TET2: variants seen among roughly 807,000 people sequenced by gnomAD.
TET2 encodes methylcytosine dioxygenase TET2.
A neutral mutation model predicts 142.9 loss-of-function variants in TET2; 299 were observed. The ratio of observed to expected loss-of-function variants is 2.09; its 90% CI spans 1.90 to 2.30. The LOEUF (loss-of-function observed/expected upper bound fraction) is 2.30. Among genes scored for constraint, TET2 ranks in the 30% most tolerant of loss-of-function variants. The probability of loss-of-function intolerance (pLI) is 0.00; values close to 1 mark genes in which losing one functional copy is unlikely to be tolerated. For synonymous variants in TET2, 819 were observed against 849.0 expected (o/e 0.96, Z 0.61); for missense variants, 2,418 against 2,378.0 (o/e 1.02, Z -0.35).
At chr4:105,227,160 T>C (rs1404393631) in intron 2 of TET2, among the ~76,000 whole-genome samples, 2 of 152,178 alleles carry the variant, frequency 1.3e-5, no homozygotes, top group African/African-American at 2.4e-5. Flanking sequence ...AGGAATATGT[T>C]AAAAACTGTA....
Position 105,244,584 on chromosome 4 carries a change from A to ATCTTTTTTTTTTTTTTTTTT in TET2, c.3803+807_3803+808insCTTTTTTTTTTTTTTTTTTT, listed in dbSNP as rs1237638072. 9.4e-5 allele frequency among the ~76,000 whole-genome samples: 11 copies of ATCTTTTTTTTTTTTTTTTTT among 116,754 alleles called. 2 individuals are homozygous for ATCTTTTTTTTTTTTTTTTTT. Among genetic ancestry groups the ATCTTTTTTTTTTTTTTTTTT allele is most frequent in the African/African-American group, 1.1e-4 (3 of 28,436 alleles). 76.6% of individuals were successfully genotyped at this position (116,754 alleles called of 152,430 possible). On this transcript the variant is annotated intron_variant, in intron 6 of 10. Coordinates refer to ENST00000380013, the MANE Select transcript of TET2 (RefSeq NM_001127208.3). ...TGAATGTTCACGGTGCTACACAGAA[A>ATCTTTTTTTTTTTTTTTTTT]TGTTTTTTTTTTTTTTTTTTTTTTT... is the stretch of plus-strand genomic sequence containing the variant.
chr4:105,164,992 G>A (rs1229514238), intron 1 of TET2, among the ~76,000 whole-genome samples: 2 of 152,096 alleles, frequency 1.3e-5, no homozygotes, highest in African/African-American at 4.8e-5. Context: ...GATTTAAAAA[G>A]TACTAAGGAC....
rs144386291 is a variant in TET2 at position 105,236,541 on chromosome 4, T to C, written c.2599T>C (p.Tyr867His). Residue 867 changes from tyrosine to histidine, a missense_variant, in exon 3 of 11, where the codon TAT becomes CAT. Tyr to His is a moderately conservative substitution (Grantham distance 83). Transcript: ENST00000380013. ...NKTQNLHHMQ[Y>H]FPNNVIPKQD... is the part of the protein sequence containing the mutation. ...GACCCAAAACTTGCATCACATGCAA[T>C]ATTTTCCAAATAATGTGATCCCAAA... 0.011 allele frequency: 17,024 copies of C among 1,614,090 alleles called. 119 individuals are homozygous for C. The highest frequency in any genetic ancestry group is 0.013 in the Non-Finnish European group (15,324 of 1,180,004).
At chr4:105,183,643 T>C (rs1725252969) in intron 1 of TET2, among the ~76,000 whole-genome samples, 1 of 152,168 alleles carries the variant, frequency 6.6e-6, no homozygotes, top group South Asian at 2.1e-4. Context: ...ATTTATACTT[T>C]GTTATCTCTT....
intron 2 of TET2, among the ~76,000 whole-genome samples, chr4:105,219,662 T>A (rs2110578031): frequency 6.6e-6 from 1 of 152,270 alleles, no homozygotes; most frequent in South Asian, 2.1e-4. Flanking sequence ...TGTTTTTTGT[T>A]TTGCCATTCT....
chr4:105,194,870 A>G (rs1448863266), intron 2 of TET2, among the ~76,000 whole-genome samples: 1 of 152,154 alleles, frequency 6.6e-6, no homozygotes, highest in East Asian at 1.9e-4. Flanking sequence ...GTATGATACA[A>G]GTCATAACTC....
chr4:105,226,587 C>T (rs1012474784), intron 2 of TET2, among the ~76,000 whole-genome samples: 3 of 151,792 alleles, frequency 2.0e-5, no homozygotes, highest in African/African-American at 4.8e-5. Context: ...GCACGTCCCC[C>T]TCCCTGTCTC....
chr4:105,253,877 C>T (rs1209855634), intron 6 of TET2, among the ~76,000 whole-genome samples: 1 of 152,122 alleles, frequency 6.6e-6, no homozygotes, highest in Non-Finnish European at 1.5e-5. Context: ...TTTTGAAAAT[C>T]ATTAATCAGT....
chr4:105,193,647 G>A lies in TET2; in HGVS notation c.-47+3142G>A, dbSNP rs182691983. ...ATGAGGATTTATTTGCTGACTGCAC[G>A]TAAGAGATAAAAGAGAGGAGTCAAA... On this transcript the variant is annotated intron_variant, in intron 2 of 10. Transcript: ENST00000380013. 1.0e-3 allele frequency among the ~76,000 whole-genome samples: 157 copies of A among 152,194 alleles called. 6 individuals carry two copies. In the South Asian group the frequency reaches 0.031, roughly 30 times the overall value.
At chr4:105,265,155 C>G (rs188743810) in intron 8 of TET2, among the ~76,000 whole-genome samples, 95 of 152,308 alleles carry the variant, frequency 6.2e-4, no homozygotes, top group African/African-American at 2.0e-3. Context: ...ACATTTTAGA[C>G]AAATGCTTCT....
chr4:105,246,120 AC>A (rs922798358), intron 6 of TET2, among the ~76,000 whole-genome samples: 2 of 152,006 alleles, frequency 1.3e-5, no homozygotes, highest in Non-Finnish European at 2.9e-5. Flanking sequence ...ACAGGGTTTC[AC>A]CATGTTGGCC....
chr4:105,234,977 G>C lies in TET2; in HGVS notation c.1035G>C (p.Lys345Asn). The change falls in exon 3 of 11, where the codon AAG becomes AAC. Residue 345 changes from lysine to asparagine, a missense_variant. Transcript: ENST00000380013. ...PAENNIQGTTKLASGEEFCSG... is the reference protein window; with the variant it reads ...PAENNIQGTTNLASGEEFCSG... ...AAAATAACATCCAGGGAACCACAAA[G>C]CTAGCGTCTGGTGAAGAATTCTGTT... 1 of 1,613,984 alleles carries C rather than the reference G, an allele frequency of 6.2e-7. No homozygotes were observed. Among genetic ancestry groups the C allele is most frequent in the South Asian group, 1.1e-5 (1 of 91,068 alleles).
In TET2 at chr4:105,272,913, TG is replaced by T. The variant is rs1189309261; in HGVS notation, c.4534del (p.Ala1512GlnfsTer59). On this transcript the variant is annotated frameshift_variant, in exon 10 of 11. Coordinates refer to ENST00000380013, the MANE Select transcript of TET2 (RefSeq NM_001127208.3). LOFTEE classifies it low-confidence loss of function (END_TRUNC). The stretch of plus-strand genomic sequence containing the variant: ...GAAAACGCAAGCCAGGCTAAACAGT[TG>T]GCAGGTAAATTTAATGTAAAGCATT... ...QTENASQAKQ[L>X]AELLRLSGPV... 6.6e-7 allele frequency: 1 copy of T among 1,523,548 alleles called. No individual in the cohort carries two copies. The allele number at this position is 1,523,548 out of a possible 1,614,324, so 94.4% of individuals were successfully genotyped here.
In TET2 at chr4:105,272,886, C is replaced by G. The variant is rs1447152350; in HGVS notation, c.4505C>G (p.Thr1502Ser). The change falls in exon 10 of 11, where the codon ACT becomes AGT. Residue 1502 changes from threonine (T) to serine (S), a missense_variant. Transcript: ENST00000380013. The part of the protein sequence containing the change: ...EKSAPSRTKQ[T>S]ENASQAKQLA... ...TCAGCCCCATCACGTACAAAACAAA[C>G]TGAAAACGCAAGCCAGGCTAAACAG... 2 of 1,543,612 alleles carry G rather than the reference C, an allele frequency of 1.3e-6. No individual in the cohort carries two copies. Among genetic ancestry groups the G allele is most frequent in the African/African-American group, 2.8e-5 (2 of 72,222 alleles).
intron 2 of TET2, among the ~76,000 whole-genome samples, chr4:105,206,095 A>G (rs1321746515): frequency 6.6e-6 from 1 of 152,136 alleles, no homozygotes; most frequent in Admixed American, 6.6e-5. Context: ...ATAGTTTGGT[A>G]ATGTCTGATT....
intron 3 of TET2, chr4:105,239,773 G>A (rs1233117928): frequency 4.3e-6 from 1 of 230,096 alleles, no homozygotes. Flanking sequence ...TGGCATGCAA[G>A]GCCTAGCTTT....
At position 105,276,303 on chromosome 4, in the gene TET2, G is replaced by A; in HGVS notation, c.5793G>A (p.Glu1931=). ...MAEKAREKEE[E]CEKYGPDYVP... is the part of the protein sequence containing the mutation. Reference sequence around the variant, plus strand: ...AAAAAGCCCGTGAGAAAGAGGAAGAGTGTGAAAAGTATGGCCCAGACTATG... The same window carrying A: ...AAAAAGCCCGTGAGAAAGAGGAAGAATGTGAAAAGTATGGCCCAGACTATG... The change falls in exon 11 of 11, where the codon GAG becomes GAA. Residue 1931 remains glutamate (E), a synonymous_variant. Transcript: ENST00000380013. The A allele has an allele frequency of 6.4e-7, 1 of 1,551,720 alleles. No homozygotes were observed. The highest frequency in any genetic ancestry group is 1.4e-5 in the African/African-American group (1 of 73,148).
chr4:105,200,642 GTTTTGTTTTTGTTTTTGT>G (rs70964635), intron 2 of TET2, among the ~76,000 whole-genome samples: 1 of 149,400 alleles, frequency 6.7e-6, no homozygotes, highest in Non-Finnish European at 1.5e-5. Flanking sequence ...TTTTTTGTTT[GTTTTGTTTTTGTTTTTGT>G]TTTTGTTTTT....
intron 2 of TET2, among the ~76,000 whole-genome samples, chr4:105,228,885 G>T (rs994014846): frequency 1.3e-5 from 2 of 152,024 alleles, no homozygotes; most frequent in African/African-American, 4.8e-5. Context: ...AAAACCTAAA[G>T]TTTCTTTATT....
Sources: gnomAD v4.1 joint callset for allele counts (sites outside exome capture counted in the v4.1 genomes callset) on GRCh38, gnomAD v4.1.1 for gene constraint, MANE v1.5 for transcripts, NCBI Gene and HGNC (gene_info 2026-07-23, HGNC 2026-07-21) for gene names.